C3orf20: variants seen among roughly 807,000 people sequenced by gnomAD.
C3orf20 encodes the protein uncharacterized protein C3orf20.
C3orf20 carries 76 observed loss-of-function variants against 88.3 expected under a neutral mutation model. The ratio of observed to expected loss-of-function variants is 0.86; its 90% CI spans 0.72 to 1.04. The LOEUF is 1.04. Ranked by LOEUF, C3orf20 falls within the 50% of genes least tolerant of loss-of-function variation. The pLI is 0.00. For synonymous variants in C3orf20, 436 were observed against 437.4 expected (o/e 1.00, Z 0.04); for missense variants, 1,056 against 1,123.3 (o/e 0.94, Z 0.86).
At chr3:14,695,875 T>TA (rs1278783837) in intron 5 of C3orf20, among the ~76,000 whole-genome samples, 7 of 152,144 alleles carry the variant, frequency 4.6e-5, no homozygotes, top group African/African-American at 1.7e-4. Context: ...TTTATGTGCG[T>TA]CTTTATAAGT....
At chr3:14,761,714 G>A (rs916279499) in intron 15 of C3orf20, 99 bp downstream of exon 15, 20 of 1,289,490 alleles carry the variant, frequency 1.6e-5, no homozygotes, top group Admixed American at 1.4e-4. Flanking sequence ...GGGAGCAGGC[G>A]GGGCTGAAGG....
intron 2 of C3orf20, 90 bp downstream of exon 2, chr3:14,682,421 G>T: frequency 2.6e-6 from 1 of 380,588 alleles, no homozygotes; most frequent in Non-Finnish European, 4.7e-6. Flanking sequence ...TGTCCTTGAA[G>T]CTTTCCTGGA....
chr3:14,767,231 C>T (rs1239809857), intron 15 of C3orf20: 1 of 152,376 alleles, frequency 6.6e-6, no homozygotes, highest in Non-Finnish European at 1.5e-5. Flanking sequence ...CTTTGTGGTG[C>T]TGCCCTTGGG....
At chr3:14,693,888 T>C (rs1474131537) in intron 5 of C3orf20, among the ~76,000 whole-genome samples, 1 of 152,202 alleles carries the variant, frequency 6.6e-6, no homozygotes, top group East Asian at 1.9e-4. Context: ...TTTTTGAGGG[T>C]TTTTATCATG....
chr3:14,732,263 A>C (rs2124995609), intron 12 of C3orf20, among the ~76,000 whole-genome samples: 1 of 152,332 alleles, frequency 6.6e-6, no homozygotes, highest in South Asian at 2.1e-4. Context: ...GCATCTTTTC[A>C]TGGCTTATTT....
At chr3:14,761,673 A>G in intron 15 of C3orf20, 58 bp downstream of exon 15, 1 of 1,400,818 alleles carries the variant, frequency 7.1e-7, no homozygotes, top group Non-Finnish European at 9.6e-7. Flanking sequence ...GAGGGCAGAA[A>G]GGAGACTTGG....
chr3:14,711,031 T>G (rs1232035954), intron 7 of C3orf20, among the ~76,000 whole-genome samples: 1 of 152,090 alleles, frequency 6.6e-6, no homozygotes, highest in African/African-American at 2.4e-5. Flanking sequence ...GTAGCTGGGA[T>G]TACAGGTGTG....
chr3:14,725,286 G>GA (rs1172221844), intron 10 of C3orf20, among the ~76,000 whole-genome samples: 1 of 152,166 alleles, frequency 6.6e-6, no homozygotes, highest in Non-Finnish European at 1.5e-5. Flanking sequence ...GAGCTTCCAA[G>GA]AAAATGTGCC....
chr3:14,761,723 G>GGTT, intron 15 of C3orf20, 108 bp downstream of exon 15: 3 of 1,163,274 alleles, frequency 2.6e-6, no homozygotes, highest in African/African-American at 1.5e-5. Context: ...CGGGGCTGAA[G>GGTT]GGATGGAGTG....
Position 14,701,610 on chromosome 3 carries a change from A to T in C3orf20, c.746-1520A>T, listed in dbSNP as rs975970159. Among the ~76,000 whole-genome samples, 1 of 152,194 alleles carries T rather than the reference A, an allele frequency of 6.6e-6. No homozygotes were observed. Among genetic ancestry groups the T allele is most frequent in the Non-Finnish European group, 1.5e-5 (1 of 68,034 alleles). Reference sequence around the variant, plus strand: ...CATCCAGGTCATGCAGATCATTGTCATCCGGTCTGCAGAGACTCAGATGAC... The same window carrying T: ...CATCCAGGTCATGCAGATCATTGTCTTCCGGTCTGCAGAGACTCAGATGAC... On this transcript the variant is annotated intron_variant, in intron 5 of 16. Coordinates refer to ENST00000253697, the MANE Select transcript of C3orf20 (RefSeq NM_032137.5). This position sits in a 1 kb window ranked among gnomAD's most constrained non-coding sequence, Gnocchi z 4.6.
intron 12 of C3orf20, among the ~76,000 whole-genome samples, chr3:14,756,028 CAAAAAAAAA>C (rs56242160): frequency 1.4e-5 from 1 of 72,732 alleles, no homozygotes; most frequent in Non-Finnish European, 2.6e-5. Context: ...GACTCCATCT[CAAAAAAAAA>C]AAAAAAAAAA....
At chr3:14,681,916 G>A (rs1007399184) in intron 1 of C3orf20, among the ~76,000 whole-genome samples, 1 of 152,048 alleles carries the variant, frequency 6.6e-6, no homozygotes, top group African/African-American at 2.4e-5. Flanking sequence ...AATATGTCAG[G>A]GTAAACATTA....
intron 15 of C3orf20, among the ~76,000 whole-genome samples, chr3:14,761,992 G>A (rs1386374432): frequency 6.6e-6 from 1 of 152,182 alleles, no homozygotes; most frequent in Non-Finnish European, 1.5e-5. Flanking sequence ...GTGGGCAGGA[G>A]CTCTGGCTAC....
At chr3:14,758,484 T>C (rs531577739) in intron 13 of C3orf20, among the ~76,000 whole-genome samples, 7 of 152,114 alleles carry the variant, frequency 4.6e-5, no homozygotes, top group South Asian at 2.1e-4. Context: ...CCCAGCAACA[T>C]TGGCACAGTT....
At chr3:14,710,949 A>G (rs947408125) in intron 7 of C3orf20, among the ~76,000 whole-genome samples, 1 of 149,360 alleles carries the variant, frequency 6.7e-6, no homozygotes, top group African/African-American at 2.5e-5. Context: ...ACTGGGGTGC[A>G]GTGGCGCAAT....
chr3:14,772,023 A>G lies in C3orf20; in HGVS notation c.2496-44A>G, dbSNP rs750544628. The G allele has an allele frequency of 6.2e-7, 1 of 1,611,984 alleles. No homozygotes were observed. The highest frequency in any genetic ancestry group is 2.2e-5 in the East Asian group (1 of 44,860). On this transcript the variant is annotated intron_variant, in intron 15 of 16. Coordinates refer to ENST00000253697, the MANE Select transcript of C3orf20 (RefSeq NM_032137.5). The surrounding 1 kb of genome is among the most constrained non-coding windows in gnomAD (Gnocchi z 4.2). ...ACACTGATGGGACAGCGTGCAGTGCACCCTGGGCCCTGAGCACTGCCCCCG... is the reference window on the plus strand; with the variant it reads ...ACACTGATGGGACAGCGTGCAGTGCGCCCTGGGCCCTGAGCACTGCCCCCG...
intron 4 of C3orf20, among the ~76,000 whole-genome samples, chr3:14,688,777 G>A (rs2124902102): frequency 6.6e-6 from 1 of 152,012 alleles, no homozygotes; most frequent in Admixed American, 6.5e-5. Context: ...TTCCTTTGTG[G>A]TTCCTGTGCT....
chr3:14,766,570 G>A (rs1269300696), intron 15 of C3orf20, among the ~76,000 whole-genome samples: 2 of 152,222 alleles, frequency 1.3e-5, no homozygotes, highest in Non-Finnish European at 2.9e-5. Context: ...GGCAGCCGGC[G>A]AGGGGGAGGG....
chr3:14,704,761 G>A (rs1269596242), intron 7 of C3orf20, 143 bp downstream of exon 7: 1 of 989,614 alleles, frequency 1.0e-6, no homozygotes, highest in Non-Finnish European at 1.5e-6. Flanking sequence ...TTAAGAGCTT[G>A]TCTAGATCAG....
Sources: allele counts gnomAD v4.1 joint callset (sites outside exome capture counted in the v4.1 genomes callset), GRCh38; gene constraint gnomAD v4.1.1; non-coding constraint Gnocchi (gnomAD v3.1); transcripts MANE v1.5; gene names NCBI Gene and HGNC (gene_info 2026-07-23, HGNC 2026-07-21).